EVI2B: variants seen among roughly 807,000 people sequenced by gnomAD.
EVI2B encodes ecotropic viral integration site 2B, also known as protein EVI2B.
In EVI2B, 4 loss-of-function variants were observed where a neutral mutation model predicts 6.6. The observed-to-expected ratio is 0.61, with a 90% CI of 0.30 to 1.39. The LOEUF (loss-of-function observed/expected upper bound fraction) is 1.39. Ranked by LOEUF, EVI2B falls within the 40% of genes most tolerant of loss-of-function variation. EVI2B has a pLI of 0.08. For synonymous variants in EVI2B, 181 were observed against 186.8 expected (o/e 0.97, Z 0.25); for missense variants, 484 against 516.6 (o/e 0.94, Z 0.61).
rs1404217804 is a variant in EVI2B at position 31,304,909 on chromosome 17, T to C, written c.701A>G (p.Asn234Ser). 3 of 1,614,070 alleles carry C rather than the reference T, an allele frequency of 1.9e-6. No homozygotes were observed. Among genetic ancestry groups the C allele is most frequent in the African/African-American group, 2.7e-5 (2 of 74,932 alleles). The change falls in exon 2 of 2, where the codon AAT (asparagine) becomes AGT (serine). Residue 234 changes from asparagine to serine, a missense_variant. Coordinates refer to ENST00000330927, the MANE Select transcript of EVI2B (RefSeq NM_006495.4). Reference sequence around the variant, plus strand: ...AGATCTACCTGCCCAATTTTGATCATTTAAAACTGGTTTCCTTAAGCATTT... The same window carrying C: ...AGATCTACCTGCCCAATTTTGATCACTTAAAACTGGTTTCCTTAAGCATTT... ...LWKCLRKPVL[N>S]DQNWAGRSPF...
intron 1 of EVI2B, among the ~76,000 whole-genome samples, chr17:31,311,831 G>T (rs1039602121): frequency 6.6e-6 from 1 of 152,118 alleles, no homozygotes; most frequent in Non-Finnish European, 1.5e-5. Context: ...GTGCTATACT[G>T]CCTTTCATAG....
At position 31,304,420 on chromosome 17, in the gene EVI2B, G is replaced by A. The variant is rs372388394; in HGVS notation, c.1190C>T (p.Pro397Leu). 30 of 1,613,980 alleles carry A rather than the reference G, an allele frequency of 1.9e-5. No individual in the cohort carries two copies. Among genetic ancestry groups the A allele is most frequent in the Middle Eastern group, 3.3e-4 (2 of 6,084 alleles). ...HKSEIIQSFP[P>L]LDSLNLPLPP... ...CAGGGGCAAGTTAAGTGAGTCAAGC[G>A]GTGGAAATGATTGTATTATCTCAGA... The change falls in exon 2 of 2, where the codon CCG (proline) becomes CTG (leucine). Residue 397 changes from proline to leucine, a missense_variant. Physicochemically the swap from Pro to Leu is moderately conservative, Grantham distance 98. Coordinates refer to ENST00000330927, the MANE Select transcript of EVI2B (RefSeq NM_006495.4).
At position 31,305,303 on chromosome 17, in the gene EVI2B, C is replaced by T; in HGVS notation, c.307G>A (p.Ala103Thr). 2 of 1,614,006 alleles carry T rather than the reference C, an allele frequency of 1.2e-6. No homozygotes were observed. Among genetic ancestry groups the T allele is most frequent in the East Asian group, 4.5e-5 (2 of 44,876 alleles). The change falls in exon 2 of 2, where the codon GCC (alanine) becomes ACC (threonine). Residue 103 changes from alanine (A) to threonine (T), a missense_variant. Ala to Thr is a moderately conservative substitution (Grantham distance 58). Transcript: ENST00000330927. ...GGTGTTGGTTGTTTGGTGTTGTAGG[C>T]AAGTGGTTGTCCAGCAGAAGTATGT... is the stretch of plus-strand genomic sequence containing the variant. ...EAHTSAGQPL[A>T]YNTKQPTPIA...
At chr17:31,309,950 AC>A in intron 1 of EVI2B, among the ~76,000 whole-genome samples, 1 of 152,346 alleles carries the variant, frequency 6.6e-6, no homozygotes, top group East Asian at 1.9e-4. Flanking sequence ...ACATCAGAGT[AC>A]TAGAAACTGT....
chr17:31,309,139 T>G (rs1193647369), intron 1 of EVI2B, among the ~76,000 whole-genome samples: 1 of 152,218 alleles, frequency 6.6e-6, no homozygotes, highest in Non-Finnish European at 1.5e-5. Context: ...AGTGACAGAT[T>G]GGGAGTTTGT....
At chr17:31,312,173 C>G (rs1340475946) in intron 1 of EVI2B, among the ~76,000 whole-genome samples, 2 of 151,988 alleles carry the variant, frequency 1.3e-5, no homozygotes, top group African/African-American at 4.8e-5. Context: ...CTGGAAAACA[C>G]AGGCACTACT....
In EVI2B at chr17:31,304,306, T is replaced by C. The variant is rs772690295; in HGVS notation, c.1304A>G (p.Asp435Gly). ...TGGAGGTGGCAGGGATTCATTAAGA[T>C]CTTGATCAGAGTTGGGAGGAATAGA... Reference protein sequence around the residue: ...EFSIPPNSDQDLNESLPPPPA... With the variant: ...EFSIPPNSDQGLNESLPPPPA... Residue 435 changes from aspartate (D) to glycine (G), a missense_variant, in exon 2 of 2, where the codon GAT becomes GGT. Coordinates refer to ENST00000330927, the MANE Select transcript of EVI2B (RefSeq NM_006495.4). 6.2e-7 allele frequency: 1 copy of C among 1,613,776 alleles called. No individual in the cohort carries two copies.
intron 1 of EVI2B, among the ~76,000 whole-genome samples, chr17:31,311,902 C>T (rs533230777): frequency 2.6e-5 from 4 of 152,150 alleles, no homozygotes; most frequent in Non-Finnish European, 5.9e-5. Context: ...GGGAATTACA[C>T]GTAAATAACA....
At chr17:31,309,026 A>T (rs1283938867) in intron 1 of EVI2B, among the ~76,000 whole-genome samples, 2 of 152,156 alleles carry the variant, frequency 1.3e-5, no homozygotes, top group Non-Finnish European at 2.9e-5. Flanking sequence ...ATTTCACAGA[A>T]CCTTCAAATG....
intron 1 of EVI2B, among the ~76,000 whole-genome samples, chr17:31,312,490 G>A (rs2151518532): frequency 6.7e-6 from 1 of 149,168 alleles, no homozygotes; most frequent in South Asian, 2.1e-4. Context: ...CTGCACACCA[G>A]CCTGGGTGAC....
At position 31,305,111 on chromosome 17, in the gene EVI2B, A is replaced by G. The variant is rs763237281; in HGVS notation, c.499T>C (p.Ser167Pro). ...SRKQITVHNP[S>P]TQPTSTVKNS... ...TTGACAGTTGATGTTGGTTGTGTGG[A>G]TGGATTATGAACAGTTATTTGTTTT... is the stretch of plus-strand genomic sequence containing the variant. Residue 167 changes from serine (S) to proline (P), a missense_variant, in exon 2 of 2, where the codon TCC becomes CCC. By Grantham distance (74) the Ser-to-Pro change is moderately conservative. Coordinates refer to ENST00000330927, the MANE Select transcript of EVI2B (RefSeq NM_006495.4). 5 of 1,614,096 alleles carry G rather than the reference A, an allele frequency of 3.1e-6. No homozygotes were observed. Among genetic ancestry groups the G allele is most frequent in the Non-Finnish European group, 4.2e-6 (5 of 1,180,018 alleles).
At chr17:31,310,402 A>G (rs2068838485) in intron 1 of EVI2B, among the ~76,000 whole-genome samples, 2 of 151,668 alleles carry the variant, frequency 1.3e-5, no homozygotes, top group Non-Finnish European at 1.5e-5. Flanking sequence ...GGCAGTGTAG[A>G]TGATTGAAGT....
rs559310309 is a variant in EVI2B, at chr17:31,313,985, T to C, written c.-28A>G. The C allele has an allele frequency of 8.3e-5, 33 of 398,116 alleles. No homozygotes were observed. In the South Asian group the frequency reaches 3.8e-3, roughly 46 times the overall value. 24.7% of individuals were successfully genotyped at this position (398,116 alleles called of 1,614,324 possible). ...TGTGTGAAAATTTTCTTACCTCAGC[T>C]GTTAACTTCTTTTGCAGAATGCTAA... On this transcript the variant is annotated 5_prime_UTR_variant, in exon 1 of 2. Transcript: ENST00000330927.
chr17:31,305,564 TC>T lies in EVI2B; in HGVS notation c.45del (p.Asn16ThrfsTer97), dbSNP rs2068696634. 6.2e-7 allele frequency: 1 copy of T among 1,614,010 alleles called. No individual in the cohort carries two copies. Among genetic ancestry groups the T allele is most frequent in the Non-Finnish European group, 8.5e-7 (1 of 1,179,964 alleles). On this transcript the variant is annotated frameshift_variant, in exon 2 of 2. Coordinates refer to ENST00000330927, the MANE Select transcript of EVI2B (RefSeq NM_006495.4). LOFTEE classifies it low-confidence loss of function (END_TRUNC). Reference protein sequence around the residue: ...YFILILFCGHLNNTFFSKTET... With the variant: ...YFILILFCGHXNNTFFSKTET... Reference sequence around the variant, plus strand: ...TCTGTCTTTGAAAAAAATGTATTGTTCAGGTGTCCACAAAACAAAATTAAGA... The same window carrying T: ...TCTGTCTTTGAAAAAAATGTATTGTTAGGTGTCCACAAAACAAAATTAAGA...
intron 1 of EVI2B, among the ~76,000 whole-genome samples, chr17:31,307,127 A>T (rs2068745729): frequency 6.6e-6 from 1 of 152,006 alleles, no homozygotes; most frequent in Admixed American, 6.6e-5. Flanking sequence ...GGTTCAACTG[A>T]TTCTCCTCTC....
chr17:31,305,190 CTT>C lies in EVI2B; in HGVS notation c.418_419del (p.Lys140ValfsTer18). On this transcript the variant is annotated frameshift_variant, in exon 2 of 2. Transcript: ENST00000330927. LOFTEE classifies it low-confidence loss of function (END_TRUNC). ...SARTSTTQPP[K>X]SFVYTFTQQS... ...GTTGAGTAAAAGTATAGACAAATGA[CTT>C]TGGTGGTTGTGTGGTAGAAGTACGG... 1 of 1,614,042 alleles carries C rather than the reference CTT, an allele frequency of 6.2e-7. No individual in the cohort carries two copies. The highest frequency in any genetic ancestry group is 1.1e-5 in the South Asian group (1 of 91,076).
chr17:31,311,745 C>CTA (rs2068882176), intron 1 of EVI2B, among the ~76,000 whole-genome samples: 1 of 152,176 alleles, frequency 6.6e-6, no homozygotes, highest in Non-Finnish European at 1.5e-5. Flanking sequence ...TATCACAGCT[C>CTA]TAAGTAGTGG....
rs777889615 is a variant in EVI2B, at chr17:31,305,556, T to A, written c.54A>T (p.Thr18=). The A allele has an allele frequency of 3.1e-6, 5 of 1,614,064 alleles. No homozygotes were observed. In the South Asian group the frequency reaches 4.4e-5, roughly 14 times the overall value. Reference sequence around the variant, plus strand: ...TAATTGTCTCTGTCTTTGAAAAAAATGTATTGTTCAGGTGTCCACAAAACA... The same window carrying A: ...TAATTGTCTCTGTCTTTGAAAAAAAAGTATTGTTCAGGTGTCCACAAAACA... ...LILFCGHLNN[T]FFSKTETITT... The change falls in exon 2 of 2, where the codon ACA becomes ACT. Residue 18 remains threonine (T), a synonymous_variant. Transcript: ENST00000330927.
intron 1 of EVI2B, among the ~76,000 whole-genome samples, chr17:31,307,293 A>G (rs1185497428): frequency 1.3e-5 from 2 of 152,208 alleles, no homozygotes; most frequent in Non-Finnish European, 2.9e-5. Context: ...TGCTGGGATT[A>G]CAGGTGTGAG....
Sources: allele counts gnomAD v4.1 joint callset (sites outside exome capture counted in the v4.1 genomes callset), GRCh38; gene constraint gnomAD v4.1.1; transcripts MANE v1.5; gene names NCBI Gene and HGNC (gene_info 2026-07-23, HGNC 2026-07-21).